The following SAMD5 variants were observed in gnomAD, a reference collection of about 807,000 sequenced individuals.
The protein encoded by SAMD5 is sterile alpha motif domain-containing protein 5.
In SAMD5, 13 loss-of-function variants were observed where a neutral mutation model predicts 11.3. The ratio of observed to expected loss-of-function variants is 1.15; its 90% confidence interval spans 0.75 to 1.83. SAMD5 has a LOEUF of 1.83. Among genes scored for constraint, SAMD5 ranks in the 40% most tolerant of loss-of-function variants. The pLI, the probability that SAMD5 is intolerant of heterozygous loss-of-function variation, is 0.00. For missense variants in SAMD5, 255 were observed against 239.1 expected (o/e 1.07, Z -0.44); for synonymous variants, 129 against 111.3 (o/e 1.16, Z -1.00).
At chr6:147,602,051 A>G (rs889030258) in intron 1 of SAMD5, among the ~76,000 whole-genome samples, 1 of 152,248 alleles carries the variant, frequency 6.6e-6, no homozygotes, top group Non-Finnish European at 1.5e-5. Context: ...AATTGCAGCA[A>G]CTTGTTTCAT....
chr6:147,898,293 C>A, the SAMD5 span, among the ~76,000 whole-genome samples: 15 of 152,260 alleles, frequency 9.9e-5, no homozygotes, highest in African/African-American at 3.4e-4. Context: ...AAATCAAATG[C>A]CAAATTATGA....
chr6:147,690,339 T>C (rs1476935494), intron 1 of SAMD5, among the ~76,000 whole-genome samples: 1 of 152,204 alleles, frequency 6.6e-6, no homozygotes, highest in Non-Finnish European at 1.5e-5. Flanking sequence ...ATAAATAGTT[T>C]AAAAAAATTT....
At chr6:147,797,395 G>A in the SAMD5 span, among the ~76,000 whole-genome samples, 1 of 114,088 alleles carries the variant, frequency 8.8e-6, no homozygotes, top group South Asian at 3.0e-4. Flanking sequence ...TATTGAACCA[G>A]CCTTGCATCC....
At chr6:147,713,981 AT>A (rs1343102235) in intron 1 of SAMD5, among the ~76,000 whole-genome samples, 6 of 152,104 alleles carry the variant, frequency 3.9e-5, no homozygotes, top group Non-Finnish European at 8.8e-5. Flanking sequence ...ACAGGTCTGT[AT>A]TTTTACTTCT....
the SAMD5 span, among the ~76,000 whole-genome samples, chr6:147,903,210 A>G: frequency 6.6e-6 from 1 of 152,218 alleles, no homozygotes; most frequent in Non-Finnish European, 1.5e-5. Context: ...TTAATATAAA[A>G]CTTTATGTTG....
At chr6:147,538,382 A>G (rs1788546552) in intron 1 of SAMD5, among the ~76,000 whole-genome samples, 1 of 152,214 alleles carries the variant, frequency 6.6e-6, no homozygotes, top group African/African-American at 2.4e-5. Flanking sequence ...TCCCTCTAAC[A>G]AAAGCCATAT....
chr6:147,849,789 A>G, the SAMD5 span, among the ~76,000 whole-genome samples: 1 of 152,232 alleles, frequency 6.6e-6, no homozygotes, highest in South Asian at 2.1e-4. Context: ...TGGGGCAGAC[A>G]GAACCTGGGC....
chr6:147,780,988 C>T, the SAMD5 span, among the ~76,000 whole-genome samples: 1 of 152,044 alleles, frequency 6.6e-6, no homozygotes, highest in African/African-American at 2.4e-5. Context: ...GAAAAAAATA[C>T]AATTTGAGTG....
the SAMD5 span, among the ~76,000 whole-genome samples, chr6:147,756,840 G>A: frequency 5.9e-4 from 90 of 152,256 alleles, 1 homozygote; most frequent in South Asian, 0.017. Context: ...TAGTCGTGTC[G>A]TGTAGCAACA....
At chr6:147,531,608 T>C (rs901238627) in intron 1 of SAMD5, among the ~76,000 whole-genome samples, 1 of 152,210 alleles carries the variant, frequency 6.6e-6, no homozygotes, top group Non-Finnish European at 1.5e-5. Flanking sequence ...CAAACAAACC[T>C]ATCAACCAAC....
intron 1 of SAMD5, among the ~76,000 whole-genome samples, chr6:147,705,069 C>A (rs912797631): frequency 6.6e-6 from 1 of 152,208 alleles, no homozygotes; most frequent in Non-Finnish European, 1.5e-5. Flanking sequence ...ATTCTCCCCA[C>A]TAGACCAGTA....
At chr6:147,589,391 C>A (rs990889335) in intron 1 of SAMD5, among the ~76,000 whole-genome samples, 1 of 152,212 alleles carries the variant, frequency 6.6e-6, no homozygotes, top group Non-Finnish European at 1.5e-5. Context: ...CTCTGATTCT[C>A]ACAGACCAAT....
intron 1 of SAMD5, among the ~76,000 whole-genome samples, chr6:147,734,908 G>A (rs1334828433): frequency 6.6e-6 from 1 of 151,900 alleles, no homozygotes; most frequent in Non-Finnish European, 1.5e-5. Context: ...CTTCTGCAAG[G>A]TATTGACTCT....
At chr6:147,794,423 C>G in the SAMD5 span, among the ~76,000 whole-genome samples, 1 of 152,038 alleles carries the variant, frequency 6.6e-6, no homozygotes, top group African/African-American at 2.4e-5. Context: ...TTAATTATTA[C>G]TTAACATCAT....
chr6:147,870,433 TGTGTGTGTGTGTGTGA>T, the SAMD5 span, among the ~76,000 whole-genome samples: 41 of 120,874 alleles, frequency 3.4e-4, no homozygotes, highest in African/African-American at 1.3e-3. Flanking sequence ...TCCCCTTTGG[TGTGTGTGTGTGTGTGA>T]GTGTGTGTGT....
intron 1 of SAMD5, among the ~76,000 whole-genome samples, chr6:147,665,279 G>A (rs1483146152): frequency 1.3e-5 from 2 of 152,060 alleles, no homozygotes; most frequent in African/African-American, 4.8e-5. Flanking sequence ...TAAATCCTAC[G>A]AGGTATCCTA....
At chr6:147,755,455 A>C in the SAMD5 span, among the ~76,000 whole-genome samples, 1 of 152,100 alleles carries the variant, frequency 6.6e-6, no homozygotes. Context: ...TGTCAATGGT[A>C]CTCATATTGA....
chr6:147,941,852 G>GGTTTGTTT, the SAMD5 span, among the ~76,000 whole-genome samples: 18 of 132,838 alleles, frequency 1.4e-4, no homozygotes, highest in African/African-American at 4.6e-4. Flanking sequence ...GTGTGAAGTT[G>GGTTTGTTT]GTTTGTTTGT....
intron 1 of SAMD5, among the ~76,000 whole-genome samples, chr6:147,614,709 C>A (rs1389158656): frequency 2.0e-5 from 3 of 151,734 alleles, no homozygotes; most frequent in Non-Finnish European, 2.9e-5. Flanking sequence ...TGGGAAGGGA[C>A]CCAAGAGAAC....
Sources: allele counts gnomAD v4.1 joint callset (sites outside exome capture counted in the v4.1 genomes callset), GRCh38; gene constraint gnomAD v4.1.1; transcripts MANE v1.5; gene names NCBI Gene and HGNC (gene_info 2026-07-23, HGNC 2026-07-21).